Variants in PRH1 observed in about 807,000 individuals in gnomAD.
PRH1 encodes the protein proline rich protein HaeIII subfamily 1.
Under a neutral mutation model 7.9 loss-of-function variants are expected in PRH1, and 7 were observed. The ratio of observed to expected loss-of-function variants is 0.89; its 90% CI spans 0.50 to 1.67. The LOEUF (loss-of-function observed/expected upper bound fraction) is 1.67, where lower values mean the gene tolerates loss of function less well. Among genes scored for constraint, PRH1 ranks in the 40% most tolerant of loss-of-function variants. The pLI, the probability that PRH1 is intolerant of heterozygous loss-of-function variation, is 0.00. For synonymous variants in PRH1, 45 were observed against 80.8 expected, an observed-to-expected ratio of 0.56 and a Z score of 2.38; for missense variants, 109 against 223.6, an observed-to-expected ratio of 0.49 and a Z score of 3.27.
intron 1 of PRH1, among the ~76,000 whole-genome samples, chr12:11,170,435 T>C (rs1162542482): frequency 1.1e-4 from 16 of 152,254 alleles, no homozygotes; most frequent in Admixed American, 1.0e-3. Context: ...TAGTCCCAGC[T>C]ACTCAGGAGG....
At chr12:11,060,447 G>A (rs1316454739) in intron 1 of PRH1, among the ~76,000 whole-genome samples, 3 of 151,434 alleles carry the variant, frequency 2.0e-5, no homozygotes, top group Admixed American at 2.0e-4. Context: ...ATAAATGGAA[G>A]GTAAGGGTAT....
intron 1 of PRH1, among the ~76,000 whole-genome samples, chr12:11,067,154 G>T (rs977882638): frequency 6.8e-6 from 1 of 147,936 alleles, no homozygotes; most frequent in Non-Finnish European, 1.5e-5. Context: ...CATGCTCAAA[G>T]ATCATGCTAA....
chr12:11,027,792 G>A (rs2418271), intron 1 of PRH1, among the ~76,000 whole-genome samples: 3 of 152,176 alleles, frequency 2.0e-5, no homozygotes, highest in Admixed American at 6.5e-5. Context: ...CTGTTGGAGA[G>A]GGGAGAGCAA....
At chr12:11,001,153 C>CT (rs1055995057) in intron 1 of PRH1, among the ~76,000 whole-genome samples, 9 of 148,374 alleles carry the variant, frequency 6.1e-5, no homozygotes, top group African/African-American at 9.9e-5. Flanking sequence ...ATGTTAGTAG[C>CT]TTTTTTTTTT....
chr12:11,054,057 G>C (rs1272072392), intron 1 of PRH1, among the ~76,000 whole-genome samples: 1 of 152,088 alleles, frequency 6.6e-6, no homozygotes, highest in African/African-American at 2.4e-5. Context: ...CTGACCTCAG[G>C]TGATCCACCA....
chr12:11,013,366 A>T (rs1941147835), intron 1 of PRH1, among the ~76,000 whole-genome samples: 2 of 152,180 alleles, frequency 1.3e-5, no homozygotes, highest in African/African-American at 2.4e-5. Context: ...CATTTTTTCA[A>T]CAAATGATAC....
At chr12:10,995,557 T>C (rs4418898) in intron 1 of PRH1, among the ~76,000 whole-genome samples, 45,946 of 152,048 alleles carry the variant, frequency 0.3, 8,802 homozygotes, top group East Asian at 0.74. Context: ...TTTAAGACAT[T>C]TCCTATCATT....
intron 1 of PRH1, among the ~76,000 whole-genome samples, chr12:11,086,145 T>C (rs1201957964): frequency 1.6e-5 from 1 of 64,242 alleles, no homozygotes; most frequent in Non-Finnish European, 4.1e-5. Context: ...GAGTAAATTA[T>C]TGTCCTATAA....
At chr12:11,025,845 C>T (rs1941883844) in intron 1 of PRH1, among the ~76,000 whole-genome samples, 1 of 152,274 alleles carries the variant, frequency 6.6e-6, no homozygotes, top group Non-Finnish European at 1.5e-5. Context: ...TTTTTTCAGT[C>T]TTATTGTTTT....
intron 1 of PRH1, among the ~76,000 whole-genome samples, chr12:11,018,291 A>G (rs896791246): frequency 5.3e-5 from 8 of 152,192 alleles, no homozygotes; most frequent in African/African-American, 1.9e-4. Context: ...ATCCAAGCAA[A>G]AAGCCCCTCA....
At chr12:11,029,917 T>C (rs117000966) in intron 1 of PRH1, among the ~76,000 whole-genome samples, 2,317 of 152,352 alleles carry the variant, frequency 0.015, 19 homozygotes, top group South Asian at 0.031. Flanking sequence ...GATTTAGAAT[T>C]GAATGACTTT....
At chr12:11,109,001 A>C (rs1945511049) in intron 1 of PRH1, among the ~76,000 whole-genome samples, 1 of 152,174 alleles carries the variant, frequency 6.6e-6, no homozygotes, top group Non-Finnish European at 1.5e-5. Context: ...GTCCGCCATT[A>C]CTGGGGCTTG....
At chr12:10,924,105 A>G (rs1246766474) in intron 2 of PRH1, among the ~76,000 whole-genome samples, 1 of 141,834 alleles carries the variant, frequency 7.1e-6, no homozygotes, top group East Asian at 2.1e-4. Context: ...CTCCTGCCTC[A>G]GCCTCCCGAG....
intron 1 of PRH1, among the ~76,000 whole-genome samples, chr12:11,027,792 G>C (rs2418271): frequency 6.6e-6 from 1 of 152,176 alleles, no homozygotes; most frequent in Admixed American, 6.5e-5. Context: ...CTGTTGGAGA[G>C]GGGAGAGCAA....
intron 1 of PRH1, among the ~76,000 whole-genome samples, chr12:11,068,594 A>G (rs190900682): frequency 3.2e-3 from 493 of 152,290 alleles, no homozygotes; most frequent in African/African-American, 0.011. Flanking sequence ...TACACAAAAA[A>G]TAACTCATAT....
At chr12:10,939,070 C>A in intron 2 of PRH1, 1 of 1,613,988 alleles carries the variant, frequency 6.2e-7, no homozygotes, top group Non-Finnish European at 8.5e-7. Flanking sequence ...CAGTGAGGAT[C>A]CGATCAACCG....
At chr12:10,884,813 C>A (rs1481238397), upstream of PRH1, among the ~76,000 whole-genome samples, 2 of 152,188 alleles carry the variant, frequency 1.3e-5, no homozygotes, top group African/African-American at 2.4e-5. Flanking sequence ...CCCAGGCACA[C>A]ATATATGAGA....
At chr12:11,026,509 C>G (rs955560628) in intron 1 of PRH1, among the ~76,000 whole-genome samples, 1 of 149,318 alleles carries the variant, frequency 6.7e-6, no homozygotes, top group Non-Finnish European at 1.5e-5. Context: ...ATTATTATAG[C>G]AGGACCAAAG....
chr12:10,990,132 AG>A (rs1367149960), intron 1 of PRH1, among the ~76,000 whole-genome samples: 2 of 152,212 alleles, frequency 1.3e-5, no homozygotes, highest in East Asian at 3.8e-4. Context: ...AGACACATAG[AG>A]CAGCGAAATA....
Sources: gnomAD v4.1 joint callset for allele counts (sites outside exome capture counted in the v4.1 genomes callset) on GRCh38, gnomAD v4.1.1 for gene constraint, MANE v1.5 for transcripts, NCBI Gene and HGNC (gene_info 2026-07-23, HGNC 2026-07-21) for gene names.